NACA: variants seen among roughly 807,000 people sequenced by gnomAD.
NACA encodes the protein nascent polypeptide associated complex subunit alpha.
Under a neutral mutation model 86.4 loss-of-function variants are expected in NACA, and 42 were observed. The ratio of observed to expected loss-of-function variants is 0.49; its 90% confidence interval spans 0.38 to 0.63. The LOEUF (loss-of-function observed/expected upper bound fraction) is 0.63, where lower values mean the gene tolerates loss of function less well. Ranked by LOEUF, NACA falls within the 20% of genes least tolerant of loss-of-function variation. The pLI is 0.00. For synonymous variants in NACA, 898 were observed against 973.7 expected (o/e 0.92, Z 1.45); for missense variants, 2,157 against 2,483.6 (o/e 0.87, Z 2.80).
chr12:56,716,920 T>A lies in NACA; in HGVS notation c.4610A>T (p.Lys1537Met). Residue 1537 changes from lysine (K) to methionine (M), a missense_variant, in exon 3 of 9, where the codon AAG becomes ATG. Lys to Met is a moderately conservative substitution (Grantham distance 95). Coordinates refer to ENST00000454682, the MANE Select transcript of NACA (RefSeq NM_001365896.1). ...IAPTATLLSK[K>M]TPATLAPKEA... is the part of the protein sequence containing the mutation. ...TTTGGGGGCTAGAGTTGCTGGGGTC[T>A]TTTTAGAGAGAAGAGTCGCTGTTGG... 1 of 1,306,952 alleles carries A rather than the reference T, an allele frequency of 7.7e-7. No homozygotes were observed. The highest frequency in any genetic ancestry group is 9.9e-7 in the Non-Finnish European group (1 of 1,007,848). The allele number at this position is 1,306,952 out of a possible 1,614,324, so 81.0% of individuals were successfully genotyped here. A position where few individuals can be genotyped will look rare whatever the true frequency, so the allele number is the denominator to read the frequency against.
rs1953545050 is a variant in NACA at position 56,720,600 on chromosome 12, T to A, written c.930A>T (p.Ala310=). The A allele has an allele frequency of 6.2e-7, 1 of 1,613,768 alleles. No individual in the cohort carries two copies. Among genetic ancestry groups the A allele is most frequent in the African/African-American group, 1.3e-5 (1 of 74,878 alleles). ...DFPISLGSHL[A]PLHQSSFGSV... The stretch of plus-strand genomic sequence containing the variant: ...AACCAAAAGAACTCTGATGTAAAGG[T>A]GCAAGATGAGAGCCCAGAGAAATGG... The change falls in exon 3 of 9, where the codon GCA becomes GCT. Residue 310 remains alanine (A), a synonymous_variant. Transcript: ENST00000454682.
At chr12:56,713,762 C>A in intron 5 of NACA, 79 bp from the exon 6 acceptor site, 1 of 1,380,334 alleles carries the variant, frequency 7.2e-7, no homozygotes, top group Non-Finnish European at 1.0e-6. Context: ...ATACAACATC[C>A]AAAGCAAAGC....
In NACA at chr12:56,716,724, T is replaced by C; in HGVS notation, c.4806A>G (p.Pro1602=). 1 of 1,389,790 alleles carries C rather than the reference T, an allele frequency of 7.2e-7. No homozygotes were observed. The highest frequency in any genetic ancestry group is 9.5e-7 in the Non-Finnish European group (1 of 1,049,778). 86.1% of individuals were successfully genotyped at this position (1,389,790 alleles called of 1,614,324 possible). The change falls in exon 3 of 9, where the codon CCA becomes CCG. Residue 1602 remains proline (P), a synonymous_variant. Coordinates refer to ENST00000454682, the MANE Select transcript of NACA (RefSeq NM_001365896.1). The part of the protein sequence containing the change: ...GAPSPKELLI[P]PAVTSPSPKE... ...TGGGGGAAGGAGAAGTCACAGCTGG[T>C]GGAATGAGGAGCTCTTTGGGGGATG...
In NACA at chr12:56,719,987, G is replaced by A; in HGVS notation, c.1543C>T (p.Leu515Phe). The change falls in exon 3 of 9, where the codon CTC becomes TTC. Residue 515 changes from leucine (L) to phenylalanine (F), a missense_variant. Transcript: ENST00000454682. ...VSPPLPDPEDLKNLPSSVLVK... is the reference protein window; with the variant it reads ...VSPPLPDPEDFKNLPSSVLVK... The stretch of plus-strand genomic sequence containing the variant: ...AATACTGAACTGGGGAGATTTTTGA[G>A]GTCTTCAGGGTCTGGCAGAGGAGGA... The A allele has an allele frequency of 1.2e-6, 2 of 1,613,860 alleles. No homozygotes were observed. The highest frequency in any genetic ancestry group is 1.7e-6 in the Non-Finnish European group (2 of 1,179,850).
At chr12:56,713,927 C>T (rs927668658) in intron 5 of NACA, 6 of 455,192 alleles carry the variant, frequency 1.3e-5, no homozygotes, top group East Asian at 4.0e-5. Context: ...ATGTAATGTC[C>T]GTCTCCCAGG....
rs568115356 is a variant in NACA at position 56,716,940 on chromosome 12, T to C, written c.4590A>G (p.Thr1530=). 66 of 1,293,384 alleles carry C rather than the reference T, an allele frequency of 5.1e-5. No homozygotes were observed. In the African/African-American group the frequency reaches 8.9e-4, roughly 17 times the overall value. The allele number at this position is 1,293,384 out of a possible 1,614,324, so 80.1% of individuals were successfully genotyped here. A position where few individuals can be genotyped will look rare whatever the true frequency, so the allele number is the denominator to read the frequency against. ...GGGTCTTTTTAGAGAGAAGAGTCGC[T>C]GTTGGGGCAATGGGGTCCCTTCTGG... ...PSSRRDPIAP[T]ATLLSKKTPA... The change falls in exon 3 of 9, where the codon ACA becomes ACG. Residue 1530 remains threonine, a synonymous_variant. Transcript: ENST00000454682.
In NACA at chr12:56,721,090, A is replaced by T; in HGVS notation, c.440T>A (p.Val147Asp). The T allele has an allele frequency of 6.2e-7, 1 of 1,613,918 alleles. No individual in the cohort carries two copies. The change falls in exon 3 of 9, where the codon GTT becomes GAT. Residue 147 changes from valine to aspartate, a missense_variant. This residue lies in a region of NACA where 947 missense variants were observed against 917.9 expected (regional missense o/e 1.03). Transcript: ENST00000454682. ...LALVALAPHS[V>D]QKSSAFPPNL... is the part of the protein sequence containing the mutation. ...AGGTGGAAAAGCAGAACTCTTCTGA[A>T]CTGAGTGGGGAGCCAGGGCAACCAG...
Position 56,721,295 on chromosome 12 carries a change from C to T in NACA, c.235G>A (p.Glu79Lys). The change falls in exon 3 of 9, where the codon GAA (glutamate) becomes AAA (lysine). Residue 79 changes from glutamate to lysine, a missense_variant. By Grantham distance (56) the Glu-to-Lys change is moderately conservative. Around this residue, in one of 8 missense-constraint regions of NACA, gnomAD observed 947 missense variants for 917.9 expected, o/e 1.03. Transcript: ENST00000454682. ...GAGGATGACTGGGGAAAAGGAACTT[C>T]TAAAGGGGTCGAGGCAATAGTAGAG... ...SPSTIASTPL[E>K]VPFPQSSSGT... 1.9e-6 allele frequency: 3 copies of T among 1,611,582 alleles called. No individual in the cohort carries two copies. The highest frequency in any genetic ancestry group is 2.5e-6 in the Non-Finnish European group (3 of 1,179,250).
At position 56,720,488 on chromosome 12, in the gene NACA, C is replaced by T; in HGVS notation, c.1042G>A (p.Ala348Thr). 1 of 1,613,676 alleles carries T rather than the reference C, an allele frequency of 6.2e-7. No individual in the cohort carries two copies. The highest frequency in any genetic ancestry group is 8.5e-7 in the Non-Finnish European group (1 of 1,179,724). Reference protein sequence around the residue: ...TISVDHSSTGASYPSQRSVIP... With the variant: ...TISVDHSSTGTSYPSQRSVIP... ...ACAGATCTCTGAGAAGGATAAGAGGCCCCTGTGGAAGAATGATCTACAGAA... is the reference window on the plus strand; with the variant it reads ...ACAGATCTCTGAGAAGGATAAGAGGTCCCTGTGGAAGAATGATCTACAGAA... The change falls in exon 3 of 9, where the codon GCC (alanine) becomes ACC (threonine). Residue 348 changes from alanine to threonine, a missense_variant. Transcript: ENST00000454682.
Position 56,721,324 on chromosome 12 carries a change from GA to G in NACA, c.205del (p.Ser69ProfsTer10). The G allele has an allele frequency of 6.2e-7, 1 of 1,611,652 alleles. No individual in the cohort carries two copies. The highest frequency in any genetic ancestry group is 1.3e-5 in the African/African-American group (1 of 74,872). ...AGGGGTCGAGGCAATAGTAGAGGGG[GA>G]AGGGAATGGGGAAGCCTGGTTAGCA... The part of the protein sequence containing the change: ...SAANQASPFP[S>X]PSTIASTPLE... On this transcript the variant is annotated frameshift_variant, in exon 3 of 9. Transcript: ENST00000454682. LOFTEE classifies it high-confidence loss of function.
chr12:56,712,660 T>A, intron 8 of NACA, 108 bp from the exon 9 acceptor site: 1 of 1,595,692 alleles, frequency 6.3e-7, no homozygotes, highest in Non-Finnish European at 8.6e-7. Context: ...CTAAAACCTA[T>A]ACGGCAACTC....
rs758927822 is a variant in NACA, at chr12:56,724,533, G to A, written c.-2-10C>T. 8.7e-6 allele frequency: 14 copies of A among 1,610,468 alleles called. 1 individual carries two copies. In the South Asian group the frequency reaches 1.1e-4, roughly 13 times the overall value. ...GCTTCGCCGGGCATTTCTGAAGGAA[G>A]GGAATAAAAAGGAGGCCTAAATTGA... On this transcript the variant is annotated splice_polypyrimidine_tract_variant and intron_variant, in intron 1 of 8. Transcript: ENST00000454682.
Position 56,721,240 on chromosome 12 carries a change from G to T in NACA, c.290C>A (p.Pro97His). The T allele has an allele frequency of 6.2e-7, 1 of 1,613,810 alleles. No individual in the cohort carries two copies. Among genetic ancestry groups the T allele is most frequent in the Non-Finnish European group, 8.5e-7 (1 of 1,179,812 alleles). ...GTTTGGTAGGAAGGTTGGGGCTTCAGGGGCAGTTCCCAAAGGTAGGGCTGT... is the reference window on the plus strand; with the variant it reads ...GTTTGGTAGGAAGGTTGGGGCTTCATGGGCAGTTCCCAAAGGTAGGGCTGT... ...SGTALPLGTA[P>H]EAPTFLPNLI... Residue 97 changes from proline (P) to histidine (H), a missense_variant, in exon 3 of 9, where the codon CCT becomes CAT. Pro to His is a moderately conservative substitution (Grantham distance 77). Around this residue, in one of 8 missense-constraint regions of NACA, gnomAD observed 947 missense variants for 917.9 expected, o/e 1.03. Coordinates refer to ENST00000454682, the MANE Select transcript of NACA (RefSeq NM_001365896.1).
intron 3 of NACA, 77 bp downstream of exon 3, chr12:56,715,794 G>T: frequency 7.8e-7 from 1 of 1,287,740 alleles, no homozygotes; most frequent in Non-Finnish European, 1.1e-6. Flanking sequence ...GCATCACAGG[G>T]TTAGTATTGG....
At position 56,719,617 on chromosome 12, in the gene NACA, C is replaced by A. The variant is rs1366166169; in HGVS notation, c.1913G>T (p.Ser638Ile). The A allele has an allele frequency of 3.1e-6, 5 of 1,613,784 alleles. No homozygotes were observed. In the African/African-American group the frequency reaches 5.3e-5, roughly 17 times the overall value. Residue 638 changes from serine (S) to isoleucine (I), a missense_variant, in exon 3 of 9, where the codon AGT becomes ATT. Around this residue, in one of 8 missense-constraint regions of NACA, gnomAD observed 947 missense variants for 917.9 expected, o/e 1.03. Transcript: ENST00000454682. ...AGCCACTGTTGGGGTAATGAGAGAA[C>A]TTTTGAGAAGCGGACCAGCAGAGTC... is the stretch of plus-strand genomic sequence containing the variant. ...GPDSAGPLLK[S>I]SLITPTVAAF...
Position 56,725,277 on chromosome 12 carries a change from G to C in NACA, c.-17C>G, listed in dbSNP as rs553446059. ...AAAGTACTTACTGTGCAGGGAACGCGGAACCAAGATGGCGGCAGAAAGACC... is the reference window on the plus strand; with the variant it reads ...AAAGTACTTACTGTGCAGGGAACGCCGAACCAAGATGGCGGCAGAAAGACC... On this transcript the variant is annotated 5_prime_UTR_variant, in exon 1 of 9. Transcript: ENST00000454682. 6.5e-6 allele frequency: 1 copy of C among 153,540 alleles called. No individual in the cohort carries two copies. The highest frequency in any genetic ancestry group is 1.9e-4 in the East Asian group (1 of 5,250). 9.5% of individuals were successfully genotyped at this position (153,540 alleles called of 1,614,324 possible).
chr12:56,717,625 G>T lies in NACA; in HGVS notation c.3905C>A (p.Ala1302Asp), dbSNP rs749804780. ...GGGGGCCCCTTTGGGGGGTGAGGTA[G>T]CTGGGCCTCCTTTTGGAGAGGGAGG... ...VTPPSPKGGP[A>D]TSPPKGAPTP... Residue 1302 changes from alanine to aspartate, a missense_variant, in exon 3 of 9, where the codon GCT becomes GAT. Transcript: ENST00000454682. 91 of 1,242,682 alleles carry T rather than the reference G, an allele frequency of 7.3e-5. No homozygotes were observed. Among genetic ancestry groups the T allele is most frequent in the Non-Finnish European group, 9.3e-5 (90 of 971,720 alleles). 77.0% of individuals were successfully genotyped at this position (1,242,682 alleles called of 1,614,324 possible). A position where few individuals can be genotyped will look rare whatever the true frequency, so the allele number is the denominator to read the frequency against.
chr12:56,715,005 T>C (rs1251596635), intron 3 of NACA, among the ~76,000 whole-genome samples: 1 of 152,184 alleles, frequency 6.6e-6, no homozygotes, highest in African/African-American at 2.4e-5. Flanking sequence ...TAATGACCCA[T>C]ATGACTCTAA....
Position 56,714,364 on chromosome 12 carries a change from T to C in NACA, c.5821A>G (p.Lys1941Glu). Residue 1941 changes from lysine to glutamate, a missense_variant and splice_region_variant, in exon 5 of 9, where the codon AAG becomes GAG. Physicochemically the swap from Lys to Glu is moderately conservative, Grantham distance 56 (BLOSUM62 1). Around this residue, in one of 8 missense-constraint regions of NACA, gnomAD observed 81 missense variants for 200.6 expected, o/e 0.40. Transcript: ENST00000454682. ...KQSRSEKKAR[K>E]AMSKLGLRQV... ...CTGAAATCCTTTTCAAATCTTACCT[T>C]CCGTGCCTTCTTTTCACTCCGACTC... is the stretch of plus-strand genomic sequence containing the variant. 1 of 1,614,100 alleles carries C rather than the reference T, an allele frequency of 6.2e-7. No individual in the cohort carries two copies. Among genetic ancestry groups the C allele is most frequent in the Non-Finnish European group, 8.5e-7 (1 of 1,179,956 alleles).
Sources: gnomAD v4.1 joint callset for allele counts (sites outside exome capture counted in the v4.1 genomes callset) on GRCh38, gnomAD v4.1.1 for gene constraint, gnomAD v4.1.1 regional missense constraint, MANE v1.5 for transcripts, NCBI Gene and HGNC (gene_info 2026-07-23, HGNC 2026-07-21) for gene names.